Variants in AHI1 observed in about 807,000 individuals in gnomAD.
AHI1 encodes the protein jouberin.
In AHI1, 123 loss-of-function variants were observed where a neutral mutation model predicts 149.3. That is an observed-to-expected ratio of 0.82 (90% confidence interval 0.71 to 0.96). The LOEUF (loss-of-function observed/expected upper bound fraction) is 0.96, where lower values mean the gene tolerates loss of function less well. Ranked by LOEUF, AHI1 falls within the 40% of genes least tolerant of loss-of-function variation. AHI1 has a pLI of 0.00. For missense variants in AHI1, 1,439 were observed against 1,422.7 expected (o/e 1.01, Z -0.18); for synonymous variants, 475 against 459.8 (o/e 1.03, Z -0.42).
intron 22 of AHI1, among the ~76,000 whole-genome samples, chr6:135,402,806 G>C (rs912971181): frequency 3.3e-5 from 5 of 152,042 alleles, no homozygotes; most frequent in South Asian, 4.1e-4. Context: ...TAAGAATATA[G>C]TATATAATAC....
chr6:135,328,823 A>G (rs1788103790), intron 24 of AHI1, among the ~76,000 whole-genome samples: 2 of 152,206 alleles, frequency 1.3e-5, no homozygotes, highest in African/African-American at 2.4e-5. Context: ...AATACAAAGG[A>G]AAAGTTCTTG....
intron 13 of AHI1, among the ~76,000 whole-genome samples, chr6:135,444,741 T>C (rs564895880): frequency 6.6e-6 from 1 of 152,384 alleles, no homozygotes; most frequent in Non-Finnish European, 1.5e-5. Flanking sequence ...TCTAGCTGAA[T>C]AAAATCTAGA....
intron 24 of AHI1, among the ~76,000 whole-genome samples, chr6:135,329,541 T>C (rs1041955919): frequency 3.9e-5 from 6 of 152,218 alleles, no homozygotes; most frequent in Admixed American, 6.5e-5. Flanking sequence ...AAAGATTCCT[T>C]TCAAAATATT....
In AHI1 at chr6:135,465,718, A is replaced by G. The variant is rs1442153707; in HGVS notation, c.749+96T>C. The G allele has an allele frequency of 7.7e-6, 8 of 1,044,088 alleles. No homozygotes were observed. In the South Asian group the frequency reaches 7.8e-5, roughly 10 times the overall value. The allele number at this position is 1,044,088 out of a possible 1,614,324, so 64.7% of individuals were successfully genotyped here. ...TGACAATGTCTCCAAATAAAAGCGT[A>G]AGAATTTTCTTTGTTAAACCACAGA... On this transcript the variant is annotated intron_variant, in intron 7 of 28. Transcript: ENST00000265602.
At chr6:135,488,451 A>G (rs190232485) in intron 5 of AHI1, among the ~76,000 whole-genome samples, 1 of 152,286 alleles carries the variant, frequency 6.6e-6, no homozygotes, top group African/African-American at 2.4e-5. Flanking sequence ...GAAGCAACTG[A>G]AGAACATGAA....
chr6:135,303,114 A>G (rs1488549812), intron 26 of AHI1, among the ~76,000 whole-genome samples: 3 of 152,240 alleles, frequency 2.0e-5, no homozygotes, highest in Admixed American at 6.5e-5. Context: ...GATAGTTAAC[A>G]TAAAATAAAT....
chr6:135,287,907 C>T (rs1340865968), intron 28 of AHI1, among the ~76,000 whole-genome samples: 1 of 151,764 alleles, frequency 6.6e-6, no homozygotes. Context: ...ACCAGCCTGG[C>T]CAACATGGTG....
At position 135,394,335 on chromosome 6, in the gene AHI1, T is replaced by A. The variant is rs3804460; in HGVS notation, c.3109+441A>T. On this transcript the variant is annotated intron_variant, in intron 23 of 28. Transcript: ENST00000265602. ...CAGTATAGTTATGTAACAAGCTTTT[T>A]TGCATATTTTGTTAATTTGCCCTTT... Among the ~76,000 whole-genome samples the A allele has an allele frequency of 5.6e-4, 85 of 152,202 alleles. 2 individuals carry two copies. The East Asian group carries it at 0.016, about 29-fold the overall frequency.
At chr6:135,493,308 A>G (rs923463219) in intron 3 of AHI1, among the ~76,000 whole-genome samples, 2 of 152,146 alleles carry the variant, frequency 1.3e-5, no homozygotes, top group African/African-American at 2.4e-5. Context: ...CCAAGGCATT[A>G]TTGGTTAATG....
At chr6:135,385,083 C>T (rs1777393787) in intron 23 of AHI1, among the ~76,000 whole-genome samples, 2 of 152,028 alleles carry the variant, frequency 1.3e-5, no homozygotes, top group South Asian at 4.2e-4. Flanking sequence ...AGCAAGACAC[C>T]ATCCCCCCCA....
chr6:135,430,980 TAAAAA>T (rs1475638852), intron 17 of AHI1, among the ~76,000 whole-genome samples: 4 of 151,984 alleles, frequency 2.6e-5, no homozygotes, highest in Admixed American at 2.6e-4. Context: ...AAATGGGGTA[TAAAAA>T]AGTGAAATTA....
intron 23 of AHI1, among the ~76,000 whole-genome samples, chr6:135,383,359 G>A (rs1440357283): frequency 6.6e-6 from 1 of 150,764 alleles, no homozygotes; most frequent in Non-Finnish European, 1.5e-5. Flanking sequence ...AGCCTTCTGA[G>A]TAGGTGGGAC....
intron 5 of AHI1, among the ~76,000 whole-genome samples, chr6:135,488,228 G>C (rs915059003): frequency 6.6e-6 from 1 of 152,054 alleles, no homozygotes; most frequent in African/African-American, 2.4e-5. Flanking sequence ...TCTCAGCAAG[G>C]TTTCTTCATC....
intron 18 of AHI1, among the ~76,000 whole-genome samples, 154 bp from the exon 19 acceptor site, chr6:135,428,913 G>A (rs983295078): frequency 3.0e-4 from 45 of 151,788 alleles, no homozygotes; most frequent in African/African-American, 1.1e-3. Flanking sequence ...AATGGATGCA[G>A]AATAAAGGAG....
At chr6:135,445,265 G>C (rs1786990675) in intron 13 of AHI1, among the ~76,000 whole-genome samples, 1 of 152,172 alleles carries the variant, frequency 6.6e-6, no homozygotes, top group Non-Finnish European at 1.5e-5. Flanking sequence ...TTAAGATTTT[G>C]GATAAATTTC....
chr6:135,290,738 G>T (rs1338199781), intron 27 of AHI1, among the ~76,000 whole-genome samples: 1 of 152,240 alleles, frequency 6.6e-6, no homozygotes, highest in Middle Eastern at 3.4e-3. Context: ...ACAAACCTTT[G>T]GCTGGTTGGG....
At chr6:135,348,892 T>C (rs1042609294) in intron 24 of AHI1, among the ~76,000 whole-genome samples, 6 of 152,156 alleles carry the variant, frequency 3.9e-5, no homozygotes, top group African/African-American at 1.4e-4. Context: ...AACAATAGAA[T>C]AATATTAATA....
intron 5 of AHI1, among the ~76,000 whole-genome samples, chr6:135,472,340 C>T (rs1352310603): frequency 6.6e-6 from 1 of 152,154 alleles, no homozygotes; most frequent in Non-Finnish European, 1.5e-5. Flanking sequence ...TTTTAGGATT[C>T]ATCCATGTTG....
intron 24 of AHI1, among the ~76,000 whole-genome samples, chr6:135,349,129 T>C (rs1582741427): frequency 6.6e-6 from 1 of 152,026 alleles, no homozygotes. Flanking sequence ...GGACAACAGG[T>C]GCGTGGCACT....
Sources: allele counts gnomAD v4.1 joint callset (sites outside exome capture counted in the v4.1 genomes callset), GRCh38; gene constraint gnomAD v4.1.1; transcripts MANE v1.5; gene names NCBI Gene and HGNC (gene_info 2026-07-23, HGNC 2026-07-21).